ENPP2: variants seen among roughly 807,000 people sequenced by gnomAD.
ENPP2 encodes the protein autotaxin.
In ENPP2, 51 loss-of-function variants were observed where a neutral mutation model predicts 120.2. The ratio of observed to expected loss-of-function variants is 0.42; its 90% confidence interval spans 0.34 to 0.54. ENPP2 has a LOEUF of 0.54. ENPP2 is among the 20% of genes least tolerant of loss of function. The pLI, the probability that ENPP2 is intolerant of heterozygous loss-of-function variation, is 0.04. For synonymous variants in ENPP2, 365 were observed against 366.4 expected, an observed-to-expected ratio of 1.00 and a Z score of 0.04; for missense variants, 920 against 1,066.5, an observed-to-expected ratio of 0.86 and a Z score of 1.91.
At chr8:119,610,465 T>C (rs1022232639) in intron 8 of ENPP2, among the ~76,000 whole-genome samples, 7 of 146,176 alleles carry the variant, frequency 4.8e-5, no homozygotes, top group Non-Finnish European at 1.1e-4. Context: ...AGAAGAAAAG[T>C]GAATACAAGC....
Position 119,663,450 on chromosome 8 carries a change from T to G in ENPP2, c.21+9802A>C, listed in dbSNP as rs972864317. On this transcript the variant is annotated intron_variant, in intron 1 of 25. Transcript: ENST00000427067. ...ATCCTAAAAAAGTATACATTGTTTA[T>G]CTGAAACTGAAATTTAACTGGGGCA... Among the ~76,000 whole-genome samples the G allele has an allele frequency of 2.5e-4, 38 of 152,220 alleles. 2 individuals are homozygous for G. Among genetic ancestry groups the G allele is most frequent in the Non-Finnish European group, 1.5e-5 (1 of 68,036 alleles).
chr8:119,590,497 CA>C lies in ENPP2; in HGVS notation c.1207+7del, dbSNP rs1449790450. ...TCTAACCACTTAATATTTTAAGAAT[CA>C]ACTTACATTTAGCATTGTTGCTAAA... On this transcript the variant is annotated splice_region_variant and intron_variant, in intron 13 of 24. Coordinates refer to ENST00000075322, the MANE Select transcript of ENPP2 (RefSeq NM_001040092.3). 6.3e-7 allele frequency: 1 copy of C among 1,588,916 alleles called. No individual in the cohort carries two copies. Among genetic ancestry groups the C allele is most frequent in the Non-Finnish European group, 8.6e-7 (1 of 1,169,384 alleles).
At chr8:119,586,779 T>G (rs1183320449) in intron 14 of ENPP2, among the ~76,000 whole-genome samples, 2 of 152,204 alleles carry the variant, frequency 1.3e-5, no homozygotes, top group Admixed American at 1.3e-4. Context: ...AAGATTTGTT[T>G]AACCATGAAT....
chr8:119,593,604 C>A, intron 12 of ENPP2, 148 bp downstream of exon 12: 1 of 605,270 alleles, frequency 1.7e-6, no homozygotes, highest in Non-Finnish European at 3.0e-6. Context: ...ACTTTTCAAT[C>A]ATGGCCTGAT....
At chr8:119,569,974 T>TA (rs1348589497) in intron 20 of ENPP2, among the ~76,000 whole-genome samples, 4 of 151,990 alleles carry the variant, frequency 2.6e-5, no homozygotes, top group African/African-American at 4.8e-5. Flanking sequence ...AAACTTTTGT[T>TA]AAAAAACAAC....
chr8:119,671,648 C>A (rs1412885994), intron 1 of ENPP2, among the ~76,000 whole-genome samples: 1 of 152,142 alleles, frequency 6.6e-6, no homozygotes, highest in Non-Finnish European at 1.5e-5. Context: ...AGGGAGAAGA[C>A]AGATCCAGGT....
intron 15 of ENPP2, among the ~76,000 whole-genome samples, chr8:119,585,150 C>T (rs1049426056): frequency 5.9e-5 from 9 of 152,174 alleles, no homozygotes; most frequent in Non-Finnish European, 1.2e-4. Flanking sequence ...TTCAGGAGCA[C>T]ATACCGGGCC....
Position 119,568,016 on chromosome 8 carries a change from C to A in ENPP2, c.2131+159G>T, listed in dbSNP as rs182149242. 4.3e-4 allele frequency among the ~76,000 whole-genome samples: 66 copies of A among 152,118 alleles called. No homozygotes were observed. The East Asian group carries it at 8.9e-3, about 20-fold the overall frequency. ...GTTTACATGAAATCAAAGTTTACAT[C>A]AATGTAGAAAGTTTACATGAAAGAT... On this transcript the variant is annotated intron_variant, in intron 22 of 24. Coordinates refer to ENST00000075322, the MANE Select transcript of ENPP2 (RefSeq NM_001040092.3).
intron 1 of ENPP2, among the ~76,000 whole-genome samples, chr8:119,672,639 G>T (rs561418856): frequency 6.6e-6 from 1 of 152,168 alleles, no homozygotes; most frequent in Non-Finnish European, 1.5e-5. Context: ...TGAAAGGCTT[G>T]TTCAAATAGA....
At chr8:119,572,635 C>A (rs1038690604) in intron 19 of ENPP2, 3 of 170,008 alleles carry the variant, frequency 1.8e-5, no homozygotes, top group Admixed American at 1.7e-4. Flanking sequence ...CTTCTCCAGT[C>A]TTCGCCAAGT....
At chr8:119,626,502 T>A in intron 3 of ENPP2, 63 bp downstream of exon 3, 1 of 1,426,642 alleles carries the variant, frequency 7.0e-7, no homozygotes, top group Non-Finnish European at 9.8e-7. Flanking sequence ...CCAGGATGCA[T>A]ACAATAGCAG....
chr8:119,564,605 G>C (rs190827598), intron 23 of ENPP2, among the ~76,000 whole-genome samples: 35 of 152,076 alleles, frequency 2.3e-4, no homozygotes, highest in Admixed American at 2.0e-3. Context: ...TTGAACCCAG[G>C]AGGCGGAGGT....
chr8:119,603,459 A>G (rs1000659993), intron 9 of ENPP2, among the ~76,000 whole-genome samples: 3 of 152,178 alleles, frequency 2.0e-5, no homozygotes, highest in African/African-American at 7.2e-5. Flanking sequence ...CGGGGAATTA[A>G]AAGTGCCAGC....
chr8:119,605,688 G>A (rs1229990192), intron 9 of ENPP2, among the ~76,000 whole-genome samples: 2 of 141,322 alleles, frequency 1.4e-5, no homozygotes, highest in African/African-American at 5.6e-5. Context: ...GGCTGGTCTC[G>A]AACTCCTGAC....
chr8:119,614,050 C>T (rs1195728877), intron 8 of ENPP2, among the ~76,000 whole-genome samples: 1 of 149,210 alleles, frequency 6.7e-6, no homozygotes, highest in Non-Finnish European at 1.5e-5. Context: ...AGTTACTATG[C>T]TCCTGGGAAA....
chr8:119,569,346 G>A lies in ENPP2; in HGVS notation c.1942C>T (p.His648Tyr). The change falls in exon 21 of 25, where the codon CAT becomes TAT. Residue 648 changes from histidine to tyrosine, a missense_variant. Coordinates refer to ENST00000075322, the MANE Select transcript of ENPP2 (RefSeq NM_001040092.3). ...KQAEVSSVPD[H>Y]LTSCVRPDVR... ...TCAGGCCGGACGCAACTGGTCAGATGGTCAGGAACGCTGGAAACCTCAGCC... is the reference window on the plus strand; with the variant it reads ...TCAGGCCGGACGCAACTGGTCAGATAGTCAGGAACGCTGGAAACCTCAGCC... The A allele has an allele frequency of 5.6e-6, 9 of 1,613,970 alleles. No homozygotes were observed. Among genetic ancestry groups the A allele is most frequent in the Non-Finnish European group, 7.6e-6 (9 of 1,179,978 alleles).
At chr8:119,641,148 C>T (rs1415657558), upstream of ENPP2, among the ~76,000 whole-genome samples, 1 of 152,184 alleles carries the variant, frequency 6.6e-6, no homozygotes, top group East Asian at 1.9e-4. Flanking sequence ...CACGCACACA[C>T]ACAAGCATAT....
intron 1 of ENPP2, among the ~76,000 whole-genome samples, chr8:119,653,252 T>G (rs1817675954): frequency 6.6e-6 from 1 of 152,194 alleles, no homozygotes. Context: ...ATTTGTTTAT[T>G]TACTCAGCAA....
intron 1 of ENPP2, among the ~76,000 whole-genome samples, chr8:119,657,740 G>A (rs1396204927): frequency 6.6e-6 from 1 of 152,186 alleles, no homozygotes; most frequent in South Asian, 2.1e-4. Flanking sequence ...GGAATGAAAG[G>A]AATCAACAAG....
Sources: gnomAD v4.1 joint callset for allele counts (sites outside exome capture counted in the v4.1 genomes callset) on GRCh38, gnomAD v4.1.1 for gene constraint, MANE v1.5 for transcripts, NCBI Gene and HGNC (gene_info 2026-07-23, HGNC 2026-07-21) for gene names.